The following TTC9C variants were observed in gnomAD, a reference collection of about 807,000 sequenced individuals.
TTC9C encodes the protein tetratricopeptide repeat protein 9C.
TTC9C carries 15 observed loss-of-function variants against 22.5 expected under a neutral mutation model. The observed-to-expected ratio is 0.67, with a 90% CI of 0.45 to 1.03. The LOEUF is 1.03. Ranked by LOEUF, TTC9C falls within the 50% of genes least tolerant of loss-of-function variation. The probability of loss-of-function intolerance (pLI) is 0.00; values close to 1 mark genes in which losing one functional copy is unlikely to be tolerated. For synonymous variants in TTC9C, 92 were observed against 86.8 expected (o/e 1.06, Z -0.33); for missense variants, 244 against 214.6 (o/e 1.14, Z -0.86).
At chr11:62,729,169 C>T (rs1425680165) in intron 1 of TTC9C, 83 bp downstream of exon 1, 2 of 937,228 alleles carry the variant, frequency 2.1e-6, no homozygotes, top group African/African-American at 1.7e-5. Flanking sequence ...AAAACGCTGA[C>T]TTTTTTTTTT....
At chr11:62,733,349 TTGTC>T (rs2083874115) in intron 1 of TTC9C, 2 of 350,950 alleles carry the variant, frequency 5.7e-6, no homozygotes, top group Non-Finnish European at 1.0e-5. Flanking sequence ...GACAAGTTAT[TTGTC>T]TGAGTCTTGA....
At chr11:62,728,216 G>T (rs1158405724), upstream of TTC9C, 3 of 309,048 alleles carry the variant, frequency 9.7e-6, no homozygotes, top group Non-Finnish European at 1.9e-5. Flanking sequence ...CCGAAGCCCA[G>T]GAGACTTCCA....
chr11:62,736,897 G>C (rs1356712721), intron 2 of TTC9C, among the ~76,000 whole-genome samples: 1 of 151,226 alleles, frequency 6.6e-6, no homozygotes, highest in Admixed American at 6.6e-5. Flanking sequence ...TCTGTTCCTG[G>C]TCTTTAAGAG....
chr11:62,736,490 C>T (rs1031424953), intron 2 of TTC9C, among the ~76,000 whole-genome samples: 6 of 151,522 alleles, frequency 4.0e-5, no homozygotes, highest in South Asian at 2.1e-4. Flanking sequence ...GTCAGGAGAT[C>T]GAGACCATCC....
intron 1 of TTC9C, among the ~76,000 whole-genome samples, chr11:62,729,557 C>G (rs2083821445): frequency 6.6e-6 from 1 of 150,450 alleles, no homozygotes; most frequent in African/African-American, 2.4e-5. Context: ...CGCCAGCCAC[C>G]ACGCCCAGCT....
At position 62,738,272 on chromosome 11, in the gene TTC9C, T is replaced by TC. The variant is rs1338811451; in HGVS notation, c.422-14dup. On this transcript the variant is annotated splice_polypyrimidine_tract_variant and intron_variant, in intron 2 of 2. Coordinates refer to ENST00000316461, the MANE Select transcript of TTC9C (RefSeq NM_173810.4). ...GACTCTAACTGTTTCTAATTGCTTC[T>TC]CCATCATCTTCCAAGATGCCAACGT... The TC allele has an allele frequency of 6.4e-7, 1 of 1,561,698 alleles. No individual in the cohort carries two copies. Among genetic ancestry groups the TC allele is most frequent in the African/African-American group, 1.4e-5 (1 of 74,060 alleles).
At chr11:62,734,774 G>C (rs1397523972) in intron 1 of TTC9C, among the ~76,000 whole-genome samples, 1 of 151,878 alleles carries the variant, frequency 6.6e-6, no homozygotes, top group Non-Finnish European at 1.5e-5. Flanking sequence ...GAGCCACCAT[G>C]CTCAGCCGAG....
intron 2 of TTC9C, 77 bp from the exon 3 acceptor site, chr11:62,738,211 T>C: frequency 3.5e-6 from 3 of 856,812 alleles, no homozygotes; most frequent in Non-Finnish European, 5.6e-6. Flanking sequence ...ATGTTAACAT[T>C]CTCTCCTGCC....
At chr11:62,729,569 A>ATTTT (rs1204345239) in intron 1 of TTC9C, among the ~76,000 whole-genome samples, 34 of 113,584 alleles carry the variant, frequency 3.0e-4, no homozygotes, top group African/African-American at 9.0e-4. Flanking sequence ...CGCCCAGCTA[A>ATTTT]TTTTTTTTTT....
At chr11:62,729,164 G>C in intron 1 of TTC9C, 78 bp downstream of exon 1, 14 of 1,309,402 alleles carry the variant, frequency 1.1e-5, no homozygotes, top group South Asian at 6.8e-5. Context: ...GGGAAAAAAC[G>C]CTGACTTTTT....
At chr11:62,737,357 A>G (rs546346928) in intron 2 of TTC9C, among the ~76,000 whole-genome samples, 2 of 152,194 alleles carry the variant, frequency 1.3e-5, no homozygotes, top group Non-Finnish European at 2.9e-5. Flanking sequence ...AACCCCAGGT[A>G]TGACCTAGAA....
upstream of TTC9C, chr11:62,728,434 C>G (rs938605686): frequency 1.1e-5 from 5 of 455,666 alleles, no homozygotes; most frequent in African/African-American, 2.0e-5. Flanking sequence ...CCCGCCCACT[C>G]CCTTCTACTT....
chr11:62,731,789 G>A (rs1260055035), intron 1 of TTC9C, among the ~76,000 whole-genome samples: 4 of 149,490 alleles, frequency 2.7e-5, no homozygotes, highest in Admixed American at 1.3e-4. Context: ...GGTTCATGCC[G>A]TTCTGCCCCA....
intron 1 of TTC9C, among the ~76,000 whole-genome samples, chr11:62,734,532 G>A (rs565402425): frequency 6.6e-6 from 1 of 152,208 alleles, no homozygotes; most frequent in Non-Finnish European, 1.5e-5. Context: ...AGTGAGCCAA[G>A]ATCATGCCAC....
intron 1 of TTC9C, 78 bp downstream of exon 1, chr11:62,729,164 G>A (rs1218327515): frequency 7.6e-7 from 1 of 1,309,414 alleles, no homozygotes; most frequent in East Asian, 2.4e-5. Context: ...GGGAAAAAAC[G>A]CTGACTTTTT....
chr11:62,728,791 C>A lies in TTC9C; in HGVS notation c.-58C>A. On this transcript the variant is annotated 5_prime_UTR_variant, in exon 1 of 3. Transcript: ENST00000316461. ...TACTGTCAGTTATTTTGCTCCCAACCCCAGAGCTTCACTTGCTCCTTCACT... is the reference window on the plus strand; with the variant it reads ...TACTGTCAGTTATTTTGCTCCCAACACCAGAGCTTCACTTGCTCCTTCACT... 1 of 1,572,430 alleles carries A rather than the reference C, an allele frequency of 6.4e-7. No individual in the cohort carries two copies.
Position 62,728,545 on chromosome 11 carries a change from T to G in TTC9C, c.-304T>G, listed in dbSNP as rs990597670. ...CTGAGTAGGGCCTTGCTTGAGTTCT[T>G]CGGAAAGTCTCATCCACCCCCACAT... is the stretch of plus-strand genomic sequence containing the variant. On this transcript the variant is annotated 5_prime_UTR_variant, in exon 1 of 3. Transcript: ENST00000316461. 2.9e-5 allele frequency: 15 copies of G among 516,408 alleles called. No individual in the cohort carries two copies. In the Admixed American group the frequency reaches 3.2e-4, roughly 11 times the overall value. 32.0% of individuals were successfully genotyped at this position (516,408 alleles called of 1,614,324 possible).
At chr11:62,733,644 C>T (rs2083877639) in intron 1 of TTC9C, among the ~76,000 whole-genome samples, 2 of 151,568 alleles carry the variant, frequency 1.3e-5, no homozygotes, top group Non-Finnish European at 2.9e-5. Flanking sequence ...TGCTCCATAA[C>T]CCAGGCTGGA....
chr11:62,733,237 AT>A, intron 1 of TTC9C: 1 of 1,147,068 alleles, frequency 8.7e-7, no homozygotes, highest in African/African-American at 1.6e-5. Flanking sequence ...ATCCAAGAGA[AT>A]AGTGAAGTTA....
Sources: allele counts gnomAD v4.1 joint callset (sites outside exome capture counted in the v4.1 genomes callset), GRCh38; gene constraint gnomAD v4.1.1; transcripts MANE v1.5; gene names NCBI Gene and HGNC (gene_info 2026-07-23, HGNC 2026-07-21).